NKAIN2: variants seen among roughly 807,000 people sequenced by gnomAD.
NKAIN2 encodes sodium/potassium transporting ATPase interacting 2, also known as sodium/potassium-transporting ATPase subunit beta-1-interacting protein 2.
A neutral mutation model predicts 32.6 loss-of-function variants in NKAIN2; 14 were observed. The ratio of observed to expected loss-of-function variants is 0.43; its 90% CI spans 0.28 to 0.67. NKAIN2 has a LOEUF of 0.67. Among genes scored for constraint, NKAIN2 ranks in the 30% least tolerant of loss-of-function variants. The probability of loss-of-function intolerance (pLI) is 0.17; values close to 1 mark genes in which losing one functional copy is unlikely to be tolerated. For missense variants in NKAIN2, 198 were observed against 258.3 expected (o/e 0.77, Z 1.60); for synonymous variants, 80 against 87.2 (o/e 0.92, Z 0.46).
At chr6:123,873,288 C>A (rs1772995713) in intron 1 of NKAIN2, among the ~76,000 whole-genome samples, 1 of 144,596 alleles carries the variant, frequency 6.9e-6, no homozygotes. Flanking sequence ...ACTCCAAGGA[C>A]AGGGAACTCT....
intron 3 of NKAIN2, among the ~76,000 whole-genome samples, chr6:124,358,950 TAA>T (rs1799131587): frequency 6.6e-6 from 1 of 151,340 alleles, no homozygotes; most frequent in African/African-American, 2.4e-5. Context: ...AATTTTTGTA[TAA>T]GGTGTAAGGA....
chr6:124,147,167 T>A (rs914587252), intron 1 of NKAIN2, among the ~76,000 whole-genome samples: 2 of 152,158 alleles, frequency 1.3e-5, no homozygotes, highest in African/African-American at 4.8e-5. Flanking sequence ...TACCACAGCA[T>A]GGGGCATGCT....
intron 1 of NKAIN2, among the ~76,000 whole-genome samples, chr6:124,182,200 A>C (rs1789480531): frequency 6.6e-6 from 1 of 152,154 alleles, no homozygotes; most frequent in South Asian, 2.1e-4. Context: ...TATCATGAGA[A>C]CAGCATGAGA....
At chr6:123,859,840 G>A (rs879705899) in intron 1 of NKAIN2, among the ~76,000 whole-genome samples, 5 of 152,124 alleles carry the variant, frequency 3.3e-5, no homozygotes, top group Non-Finnish European at 7.3e-5. Flanking sequence ...ACAGGCACAT[G>A]CCACAATGCC....
chr6:124,679,503 G>C (rs1385532623), intron 4 of NKAIN2, among the ~76,000 whole-genome samples: 1 of 152,196 alleles, frequency 6.6e-6, no homozygotes, highest in Non-Finnish European at 1.5e-5. Context: ...TGGAAGGACT[G>C]TGATGAATGA....
chr6:123,842,106 C>T (rs1376201035), intron 1 of NKAIN2, among the ~76,000 whole-genome samples: 1 of 152,136 alleles, frequency 6.6e-6, no homozygotes, highest in East Asian at 1.9e-4. Flanking sequence ...TTCCCTAGCT[C>T]CAAGGTGGTA....
chr6:124,359,242 A>T (rs997843388), intron 3 of NKAIN2, among the ~76,000 whole-genome samples: 3 of 150,050 alleles, frequency 2.0e-5, no homozygotes, highest in Non-Finnish European at 3.0e-5. Context: ...CTTAGGATTG[A>T]CTTGGCAATG....
Position 123,913,777 on chromosome 6 carries a change from G to GT in NKAIN2, c.54+109531dup, listed in dbSNP as rs143663164. On this transcript the variant is annotated intron_variant, in intron 1 of 6. Coordinates refer to ENST00000368417, the MANE Select transcript of NKAIN2 (RefSeq NM_001040214.3). Reference sequence around the variant, plus strand: ...TTGGAGATAATTCAGAGAACATTTTGTTTTTTTTACAAGTAGTTACTGAAA... The same window carrying GT: ...TTGGAGATAATTCAGAGAACATTTTGTTTTTTTTTACAAGTAGTTACTGAAA... Among the ~76,000 whole-genome samples, 652 of 151,316 alleles carry GT rather than the reference G, an allele frequency of 4.3e-3. 5 individuals carry two copies. The highest frequency in any genetic ancestry group is 7.2e-3 in the Non-Finnish European group (489 of 67,764).
rs1215857239 is a variant in NKAIN2 at position 124,385,563 on chromosome 6, C to G, written c.273+30216C>G. Among the ~76,000 whole-genome samples, 8 of 152,200 alleles carry G rather than the reference C, an allele frequency of 5.3e-5. No individual in the cohort carries two copies. The East Asian group carries it at 1.4e-3, about 26-fold the overall frequency. On this transcript the variant is annotated intron_variant, in intron 3 of 6. Coordinates refer to ENST00000368417, the MANE Select transcript of NKAIN2 (RefSeq NM_001040214.3). ...AAACTGGAAATTTGAATTTTTAATT[C>G]TGTATATCCACAATGATCATAAATC...
At chr6:124,291,075 T>G (rs1469265911) in intron 2 of NKAIN2, among the ~76,000 whole-genome samples, 2 of 152,102 alleles carry the variant, frequency 1.3e-5, no homozygotes, top group Non-Finnish European at 2.9e-5. Flanking sequence ...GAGAGAAACT[T>G]TCTGAGTTTT....
At chr6:124,812,341 A>C (rs1328900888) in intron 5 of NKAIN2, among the ~76,000 whole-genome samples, 2 of 152,132 alleles carry the variant, frequency 1.3e-5, no homozygotes, top group African/African-American at 4.8e-5. Flanking sequence ...CAATTGCCTT[A>C]TTTTCCTTTA....
At chr6:124,257,002 G>A (rs1340130957) in intron 1 of NKAIN2, among the ~76,000 whole-genome samples, 1 of 146,510 alleles carries the variant, frequency 6.8e-6, no homozygotes, top group Non-Finnish European at 1.5e-5. Context: ...TCTTATGCCT[G>A]AGATCTCTGA....
At position 124,658,656 on chromosome 6, in the gene NKAIN2, C is replaced by G; in HGVS notation, c.474+270C>G. 6 of 748,510 alleles carry G rather than the reference C, an allele frequency of 8.0e-6. No individual in the cohort carries two copies. In the South Asian group the frequency reaches 1.4e-4, roughly 18 times the overall value. The allele number at this position is 748,510 out of a possible 1,614,324, so 46.4% of individuals were successfully genotyped here. ...AATCAGTCAAGATGTGATTACGTGA[C>G]TTTTGGTAGACTTTTCCAAGGATTC... On this transcript the variant is annotated intron_variant, in intron 4 of 6. Coordinates refer to ENST00000368417, the MANE Select transcript of NKAIN2 (RefSeq NM_001040214.3).
intron 1 of NKAIN2, among the ~76,000 whole-genome samples, chr6:123,988,874 AGTGTGTGTGT>A (rs72226512): frequency 7.4e-6 from 1 of 134,414 alleles, no homozygotes; most frequent in Admixed American, 8.6e-5. Flanking sequence ...GAACCTTAAG[AGTGTGTGTGT>A]GTGTGTGTGT....
chr6:124,509,583 T>A (rs1778631587), intron 3 of NKAIN2, among the ~76,000 whole-genome samples: 1 of 152,234 alleles, frequency 6.6e-6, no homozygotes, highest in South Asian at 2.1e-4. Flanking sequence ...TCATGACTTG[T>A]CTGACCATCT....
At chr6:124,642,436 G>C (rs1240490790) in intron 3 of NKAIN2, among the ~76,000 whole-genome samples, 2 of 152,122 alleles carry the variant, frequency 1.3e-5, no homozygotes, top group East Asian at 3.8e-4. Context: ...AAATTCACCA[G>C]CAGAAAACAA....
intron 4 of NKAIN2, among the ~76,000 whole-genome samples, chr6:124,740,602 T>A: frequency 6.6e-6 from 1 of 151,814 alleles, no homozygotes; most frequent in Admixed American, 6.6e-5. Flanking sequence ...GTGCCAGGAC[T>A]TAAATGAAGT....
At chr6:124,363,752 C>A (rs928822469) in intron 3 of NKAIN2, among the ~76,000 whole-genome samples, 2 of 152,170 alleles carry the variant, frequency 1.3e-5, no homozygotes, top group Non-Finnish European at 2.9e-5. Flanking sequence ...TTACCCATCA[C>A]TTTATCTCTC....
At chr6:124,611,256 T>G (rs1231440260) in intron 3 of NKAIN2, among the ~76,000 whole-genome samples, 1 of 152,140 alleles carries the variant, frequency 6.6e-6, no homozygotes, top group Non-Finnish European at 1.5e-5. Context: ...GCTTAAGACA[T>G]AAATTAAAGG....
Sources: gnomAD v4.1 joint callset for allele counts (sites outside exome capture counted in the v4.1 genomes callset) on GRCh38, gnomAD v4.1.1 for gene constraint, MANE v1.5 for transcripts, NCBI Gene and HGNC (gene_info 2026-07-23, HGNC 2026-07-21) for gene names.